CACNA1G: variants seen among roughly 807,000 people sequenced by gnomAD.
CACNA1G encodes the protein calcium voltage-gated channel subunit alpha1 G, also known as voltage-dependent T-type calcium channel subunit alpha-1G.
A neutral mutation model predicts 219.4 loss-of-function variants in CACNA1G; 67 were observed. The observed-to-expected ratio is 0.31, with a 90% CI of 0.25 to 0.37. CACNA1G has a LOEUF of 0.37. Ranked by LOEUF, CACNA1G falls within the 10% of genes least tolerant of loss-of-function variation. The pLI is 1.00. For missense variants in CACNA1G, 2,380 were observed against 3,231.4 expected (o/e 0.74, Z 6.39); for synonymous variants, 1,296 against 1,345.3 (o/e 0.96, Z 0.80).
Position 50,569,739 on chromosome 17 carries a change from C to T in CACNA1G, c.522C>T (p.Val174=), listed in dbSNP as rs1167330053. Residue 174 remains valine (V), a synonymous_variant, in exon 4 of 38, where the codon GTC becomes GTT. Transcript: ENST00000359106. ...AGTACTCGCTGGACCTGCAGAACGT[C>T]AGCTTCTCAGCTGTCAGGACAGTCC... ...MLEYSLDLQN[V]SFSAVRTVRV... is the part of the protein sequence containing the mutation. The T allele has an allele frequency of 3.2e-6, 5 of 1,551,040 alleles. No homozygotes were observed. Among genetic ancestry groups the T allele is most frequent in the Non-Finnish European group, 4.4e-6 (5 of 1,146,910 alleles).
intron 13 of CACNA1G, among the ~76,000 whole-genome samples, chr17:50,594,789 T>G (rs1257699183): frequency 6.6e-6 from 1 of 152,150 alleles, no homozygotes; most frequent in Non-Finnish European, 1.5e-5. Flanking sequence ...ACCCTTCAGA[T>G]TCATTCTGGC....
Position 50,603,702 on chromosome 17 carries a change from C to A in CACNA1G, c.4170-453C>A, listed in dbSNP as rs1329057013. 6.6e-6 allele frequency among the ~76,000 whole-genome samples: 1 copy of A among 151,630 alleles called. No homozygotes were observed. Among genetic ancestry groups the A allele is most frequent in the Non-Finnish European group, 1.5e-5 (1 of 67,958 alleles). ...TCCCTTTCCAATCAGCCAGTCACCACCCCCAACTCAGATTTTTTTTTTTTA... is the reference window on the plus strand; with the variant it reads ...TCCCTTTCCAATCAGCCAGTCACCAACCCCAACTCAGATTTTTTTTTTTTA... On this transcript the variant is annotated intron_variant, in intron 21 of 37. Coordinates refer to ENST00000359106, the MANE Select transcript of CACNA1G (RefSeq NM_018896.5). The surrounding 1 kb of genome is among the most constrained non-coding windows in gnomAD (Gnocchi z 6.4).
chr17:50,611,284 G>A (rs1362167044), intron 26 of CACNA1G, among the ~76,000 whole-genome samples: 1 of 150,716 alleles, frequency 6.6e-6, no homozygotes, highest in Non-Finnish European at 1.5e-5. Context: ...GAGAGAGAGA[G>A]TGAGAACATA....
At chr17:50,599,375 G>A (rs1598457593) in intron 16 of CACNA1G, 53 bp from the exon 17 acceptor site, 1 of 1,449,918 alleles carries the variant, frequency 6.9e-7, no homozygotes, top group Non-Finnish European at 9.2e-7. Flanking sequence ...GCACATGAGA[G>A]GACAGGGCTG....
In CACNA1G at chr17:50,617,824, A is replaced by G. The variant is rs1314910967; in HGVS notation, c.5156-35A>G. 2.5e-6 allele frequency: 4 copies of G among 1,609,506 alleles called. No homozygotes were observed. In the East Asian group the frequency reaches 8.9e-5, roughly 36 times the overall value. On this transcript the variant is annotated intron_variant, in intron 29 of 37. Transcript: ENST00000359106. The surrounding 1 kb of genome is among the most constrained non-coding windows in gnomAD (Gnocchi z 5.8). ...TGCCAGCTGTCTGGCCGGGGACCCA[A>G]AGAGGCCAGCTCATGACGTTGTCCT...
intron 13 of CACNA1G, among the ~76,000 whole-genome samples, chr17:50,594,614 G>C (rs2045107191): frequency 6.6e-6 from 1 of 152,146 alleles, no homozygotes. Context: ...GGTTTCTCTT[G>C]TGTAAGATGG....
Position 50,626,072 on chromosome 17 carries a change from T to A in CACNA1G, c.6455T>A (p.Leu2152Gln), listed in dbSNP as rs750591903. The change falls in exon 38 of 38, where the codon CTG becomes CAG. Residue 2152 changes from leucine to glutamine, a missense_variant. Transcript: ENST00000359106. The surrounding 1 kb of genome is among the most constrained non-coding windows in gnomAD (Gnocchi z 4.3). The part of the protein sequence containing the change: ...DVQGLGSRED[L>Q]LAEVSGPSPP... ...CAGGGTCTGGGCAGCCGGGAAGACCTGCTGGCAGAGGTGAGTGGGCCCTCC... is the reference window on the plus strand; with the variant it reads ...CAGGGTCTGGGCAGCCGGGAAGACCAGCTGGCAGAGGTGAGTGGGCCCTCC... The A allele has an allele frequency of 6.2e-7, 1 of 1,613,388 alleles. No individual in the cohort carries two copies. Among genetic ancestry groups the A allele is most frequent in the East Asian group, 2.2e-5 (1 of 44,828 alleles).
At chr17:50,595,400 C>T (rs548582570) in intron 14 of CACNA1G, among the ~76,000 whole-genome samples, 9 of 152,340 alleles carry the variant, frequency 5.9e-5, no homozygotes, top group Non-Finnish European at 1.3e-4. Context: ...GTGCTGAGGT[C>T]CCGGAGGAGT....
At position 50,596,654 on chromosome 17, in the gene CACNA1G, C is replaced by T. The variant is rs182987020; in HGVS notation, c.3064+8C>T. The T allele has an allele frequency of 2.5e-6, 4 of 1,613,792 alleles. No homozygotes were observed. The Admixed American group carries it at 5.0e-5, about 20-fold the overall frequency. ...GGAAGAAGTGCTTGGCCTGTGAGTA[C>T]CTATCCTGGGGTGCGACTTTTGGCC... On this transcript the variant is annotated splice_region_variant and intron_variant, in intron 15 of 37. Transcript: ENST00000359106. This position sits in a 1 kb window ranked among gnomAD's most constrained non-coding sequence, Gnocchi z 4.8.
Position 50,571,466 on chromosome 17 carries a change from C to A in CACNA1G, c.587-412C>A, listed in dbSNP as rs559154420. Among the ~76,000 whole-genome samples the A allele has an allele frequency of 6.6e-6, 1 of 152,036 alleles. No homozygotes were observed. Among genetic ancestry groups the A allele is most frequent in the Non-Finnish European group, 1.5e-5 (1 of 68,004 alleles). On this transcript the variant is annotated intron_variant, in intron 4 of 37. Coordinates refer to ENST00000359106, the MANE Select transcript of CACNA1G (RefSeq NM_018896.5). This position sits in a 1 kb window ranked among gnomAD's most constrained non-coding sequence, Gnocchi z 4.3. ...TGTGGGTGTGTGTTGGAGAGGGATT[C>A]GGAAGCCAAAGCCTGGGTTCGAGTT...
Position 50,617,584 on chromosome 17 carries a change from C to G in CACNA1G, c.5155+13C>G, listed in dbSNP as rs1175446168. The G allele has an allele frequency of 6.2e-7, 1 of 1,612,868 alleles. No homozygotes were observed. ...CGCATTGCCCGAGGTTGGTGCCCAG[C>G]CCACGCACCTGCCCTCCTAGGGTGA... On this transcript the variant is annotated intron_variant, in intron 29 of 37. Transcript: ENST00000359106. The surrounding 1 kb of genome is among the most constrained non-coding windows in gnomAD (Gnocchi z 5.8).
intron 25 of CACNA1G, among the ~76,000 whole-genome samples, chr17:50,609,405 G>A (rs2048692410): frequency 6.6e-6 from 1 of 152,156 alleles, no homozygotes; most frequent in Non-Finnish European, 1.5e-5. Context: ...TCCGGGTTCG[G>A]CTTCCCTGTG....
At chr17:50,574,315 T>C (rs556015278) in intron 7 of CACNA1G, among the ~76,000 whole-genome samples, 27 of 152,252 alleles carry the variant, frequency 1.8e-4, no homozygotes, top group Non-Finnish European at 2.9e-4. Flanking sequence ...TAAGATCTAC[T>C]CAGGACCTAG....
chr17:50,568,266 AC>A lies in CACNA1G; in HGVS notation c.243-602del, dbSNP rs1481879396. On this transcript the variant is annotated intron_variant, in intron 1 of 37. Coordinates refer to ENST00000359106, the MANE Select transcript of CACNA1G (RefSeq NM_018896.5). ...ACTATCATAGATCAGGAGCTTGGAA[AC>A]CACCGTCTCATCCTGCCTTCTCGGG... Among the ~76,000 whole-genome samples the A allele has an allele frequency of 2.0e-5, 3 of 151,802 alleles. No homozygotes were observed. In the East Asian group the frequency reaches 5.8e-4, roughly 29 times the overall value.
chr17:50,603,181 G>A lies in CACNA1G; in HGVS notation c.4151G>A (p.Arg1384Gln), dbSNP rs1260560600. The A allele has an allele frequency of 1.9e-6, 3 of 1,605,894 alleles. No individual in the cohort carries two copies. The highest frequency in any genetic ancestry group is 1.7e-5 in the Admixed American group (1 of 59,960). Residue 1384 changes from arginine (R) to glutamine (Q), a missense_variant, in exon 21 of 38, where the codon CGG (arginine) becomes CAG (glutamine). Arg to Gln is a conservative substitution (Grantham distance 43). This residue lies in a region of CACNA1G where 153 missense variants were observed against 374.9 expected (regional missense o/e 0.41). Coordinates refer to ENST00000359106, the MANE Select transcript of CACNA1G (RefSeq NM_018896.5). This position sits in a 1 kb window ranked among gnomAD's most constrained non-coding sequence, Gnocchi z 6.4. ...LGMLRVLRLLRTLRPLRVISR... is the reference protein window; with the variant it reads ...LGMLRVLRLLQTLRPLRVISR... ...ATGCTGAGGGTGCTGCGGCTGCTGC[G>A]GACCCTGCGCCCGCTCAGGTGACTC...
chr17:50,622,262 T>G (rs2052343226), intron 35 of CACNA1G, among the ~76,000 whole-genome samples: 1 of 143,920 alleles, frequency 6.9e-6, no homozygotes, highest in South Asian at 2.3e-4. Flanking sequence ...TGCCATGCCC[T>G]TCTTCACTTG....
At chr17:50,569,940 G>A in intron 4 of CACNA1G, 137 bp downstream of exon 4, 1 of 636,872 alleles carries the variant, frequency 1.6e-6, no homozygotes, top group East Asian at 2.8e-5. Context: ...TGGGGAGCTG[G>A]GATTGCTGGA....
chr17:50,600,719 T>C lies in CACNA1G; in HGVS notation c.3691-7T>C, dbSNP rs1485666072. On this transcript the variant is annotated splice_polypyrimidine_tract_variant and splice_region_variant and intron_variant, in intron 17 of 37. Coordinates refer to ENST00000359106, the MANE Select transcript of CACNA1G (RefSeq NM_018896.5). This position sits in a 1 kb window ranked among gnomAD's most constrained non-coding sequence, Gnocchi z 4.1. ...GTCCTGCTCATACTCCAGTGTTTGT[T>C]CTGCAGAGCAAAGGGGAACGGGTCC... The C allele has an allele frequency of 1.9e-6, 3 of 1,613,282 alleles. No homozygotes were observed. The highest frequency in any genetic ancestry group is 1.1e-5 in the South Asian group (1 of 91,056).
At chr17:50,581,790 C>G (rs749309079) in intron 9 of CACNA1G, among the ~76,000 whole-genome samples, 33 of 152,354 alleles carry the variant, frequency 2.2e-4, no homozygotes, top group Middle Eastern at 3.4e-3. Flanking sequence ...ATGGGGCCAG[C>G]CTACATGTGT....
Sources: allele counts gnomAD v4.1 joint callset (sites outside exome capture counted in the v4.1 genomes callset), GRCh38; gene constraint gnomAD v4.1.1; regional missense constraint gnomAD v4.1.1; non-coding constraint Gnocchi (gnomAD v3.1); transcripts MANE v1.5; gene names NCBI Gene and HGNC (gene_info 2026-07-23, HGNC 2026-07-21).